The following CDH4 variants were observed in gnomAD, a reference collection of about 807,000 sequenced individuals.
CDH4 encodes cadherin-4.
In CDH4, 33 loss-of-function variants were observed where a neutral mutation model predicts 86.0. The observed-to-expected ratio is 0.38, with a 90% CI of 0.29 to 0.51. The LOEUF (loss-of-function observed/expected upper bound fraction) is 0.51, where lower values mean the gene tolerates loss of function less well. Among genes scored for constraint, CDH4 ranks in the 20% least tolerant of loss-of-function variants. CDH4 has a pLI of 0.86. For synonymous variants in CDH4, 555 were observed against 549.4 expected (o/e 1.01, Z -0.14); for missense variants, 1,114 against 1,307.4 (o/e 0.85, Z 2.28).
intron 2 of CDH4, among the ~76,000 whole-genome samples, chr20:61,491,049 T>C (rs2085623289): frequency 6.6e-6 from 1 of 152,224 alleles, no homozygotes; most frequent in African/African-American, 2.4e-5. Context: ...AAGTGCCTTA[T>C]TCAAGAATAA....
chr20:61,655,592 G>T (rs2087178612), intron 2 of CDH4, among the ~76,000 whole-genome samples: 2 of 152,276 alleles, frequency 1.3e-5, no homozygotes, highest in Non-Finnish European at 2.9e-5. Context: ...GCAGAAGGCA[G>T]TGCCCACCGG....
intron 2 of CDH4, among the ~76,000 whole-genome samples, chr20:61,489,778 G>C (rs764650439): frequency 2.6e-5 from 4 of 152,228 alleles, no homozygotes; most frequent in Non-Finnish European, 5.9e-5. Context: ...GCCATTAACT[G>C]ACTTGCTTTT....
intron 7 of CDH4, among the ~76,000 whole-genome samples, chr20:61,890,865 C>A (rs933618812): frequency 6.6e-6 from 1 of 152,128 alleles, no homozygotes; most frequent in Non-Finnish European, 1.5e-5. Context: ...CTGTATCTGG[C>A]ACTTTGGACA....
chr20:61,318,371 C>T (rs2084489138), intron 2 of CDH4, among the ~76,000 whole-genome samples: 1 of 152,208 alleles, frequency 6.6e-6, no homozygotes, highest in Admixed American at 6.5e-5. Context: ...TTGTTTGATC[C>T]TGTCCAAGAT....
rs2087854600 is a variant in CDH4 at position 61,708,348 on chromosome 20, T to C, written c.170-35215T>C. Among the ~76,000 whole-genome samples, 1 of 145,270 alleles carries C rather than the reference T, an allele frequency of 6.9e-6. No individual in the cohort carries two copies. The highest frequency in any genetic ancestry group is 2.6e-5 in the African/African-American group (1 of 38,656). On this transcript the variant is annotated intron_variant, in intron 2 of 15. Transcript: ENST00000614565. This position sits in a 1 kb window ranked among gnomAD's most constrained non-coding sequence, Gnocchi z 4.5. Reference sequence around the variant, plus strand: ...CCCCAGCAGCTTGGTCCCCTCTGCCTCCTAACTGGGTTGGGGCACCACCCT... The same window carrying C: ...CCCCAGCAGCTTGGTCCCCTCTGCCCCCTAACTGGGTTGGGGCACCACCCT...
intron 2 of CDH4, among the ~76,000 whole-genome samples, chr20:61,258,832 G>A (rs1027727757): frequency 6.6e-6 from 1 of 152,176 alleles, no homozygotes; most frequent in Non-Finnish European, 1.5e-5. Flanking sequence ...GCAGAAGAAG[G>A]TGCAGATAGT....
chr20:61,515,339 A>G (rs2085811128), intron 2 of CDH4, among the ~76,000 whole-genome samples: 1 of 152,198 alleles, frequency 6.6e-6, no homozygotes, highest in Admixed American at 6.5e-5. Flanking sequence ...AGGACGCCGC[A>G]GTCCCCAAAA....
At chr20:61,635,505 G>T (rs2086937287) in intron 2 of CDH4, among the ~76,000 whole-genome samples, 1 of 152,202 alleles carries the variant, frequency 6.6e-6, no homozygotes, top group African/African-American at 2.4e-5. Context: ...GACCTTCAGG[G>T]TCTCAGCTGG....
chr20:61,258,341 A>AAAAAAAAG (rs1159729342), intron 2 of CDH4, among the ~76,000 whole-genome samples: 1 of 120,076 alleles, frequency 8.3e-6, no homozygotes, highest in African/African-American at 3.3e-5. Context: ...AAAAAAAAAA[A>AAAAAAAAG]AAAAGAAAAA....
intron 2 of CDH4, among the ~76,000 whole-genome samples, chr20:61,691,425 G>A (rs891075532): frequency 4.6e-5 from 7 of 151,586 alleles, no homozygotes; most frequent in Admixed American, 2.0e-4. Context: ...GGATGTGTGT[G>A]TGCGTGTGCA....
At chr20:61,851,716 G>A (rs1397047815) in intron 5 of CDH4, among the ~76,000 whole-genome samples, 2 of 152,076 alleles carry the variant, frequency 1.3e-5, no homozygotes, top group Non-Finnish European at 2.9e-5. Context: ...CAGCCCCCTC[G>A]CCTGCCGGCA....
At chr20:61,889,896 G>A (rs1298914101) in intron 7 of CDH4, among the ~76,000 whole-genome samples, 1 of 150,240 alleles carries the variant, frequency 6.7e-6, no homozygotes, top group Non-Finnish European at 1.5e-5. Flanking sequence ...GTGAATGGAT[G>A]GATGGATAGA....
chr20:61,890,361 A>C (rs542351175), intron 7 of CDH4, among the ~76,000 whole-genome samples: 24 of 147,180 alleles, frequency 1.6e-4, no homozygotes, highest in African/African-American at 5.8e-4. Context: ...GGATAGATGG[A>C]TAATGGATGG....
chr20:61,291,273 G>A (rs1323468086), intron 2 of CDH4, among the ~76,000 whole-genome samples: 1 of 152,218 alleles, frequency 6.6e-6, no homozygotes, highest in African/African-American at 2.4e-5. Context: ...AAGGGTCTTT[G>A]CAGTTGTGAT....
chr20:61,408,752 AGT>A (rs1226927717), intron 2 of CDH4, among the ~76,000 whole-genome samples: 2 of 152,006 alleles, frequency 1.3e-5, no homozygotes, highest in Non-Finnish European at 2.9e-5. Context: ...CATGATGGAG[AGT>A]GAAGCAGCTT....
At chr20:61,790,488 C>A (rs1234636890) in intron 4 of CDH4, among the ~76,000 whole-genome samples, 1 of 151,678 alleles carries the variant, frequency 6.6e-6, no homozygotes, top group African/African-American at 2.4e-5. Context: ...TCCTTCCATT[C>A]ATCTCTCCAT....
chr20:61,607,192 C>T lies in CDH4; in HGVS notation c.170-136371C>T, dbSNP rs150876347. ...ACACACCCCTCAATGTAGGACCAGA[C>T]AGATTTTTAATCTGCGCACATATAA... On this transcript the variant is annotated intron_variant, in intron 2 of 15. Transcript: ENST00000614565. Among the ~76,000 whole-genome samples the T allele has an allele frequency of 4.4e-3, 671 of 152,322 alleles. 7 individuals carry two copies. The highest frequency in any genetic ancestry group is 0.016 in the African/African-American group (651 of 41,572).
rs940723826 is a variant in CDH4 at position 61,808,652 on chromosome 20, C to T, written c.576+35470C>T. Among the ~76,000 whole-genome samples the T allele has an allele frequency of 3.9e-5, 6 of 152,218 alleles. No homozygotes were observed. In the East Asian group the frequency reaches 5.8e-4, roughly 15 times the overall value. On this transcript the variant is annotated intron_variant, in intron 4 of 15. Coordinates refer to ENST00000614565, the MANE Select transcript of CDH4 (RefSeq NM_001794.5). ...ACACTGGCCCTCGGAGCAGCTTCTC[C>T]GGCAGCACGCCCCTCCCCAGGCTGT...
intron 2 of CDH4, among the ~76,000 whole-genome samples, chr20:61,532,181 A>T (rs2085960037): frequency 6.6e-6 from 1 of 152,186 alleles, no homozygotes; most frequent in Admixed American, 6.5e-5. Flanking sequence ...CCTGCAGGGC[A>T]TGGACCCCAC....
Sources: allele counts gnomAD v4.1 joint callset (sites outside exome capture counted in the v4.1 genomes callset), GRCh38; gene constraint gnomAD v4.1.1; non-coding constraint Gnocchi (gnomAD v3.1); transcripts MANE v1.5; gene names NCBI Gene and HGNC (gene_info 2026-07-23, HGNC 2026-07-21).